The following CYP2J2 variants were observed in gnomAD, a reference collection of about 807,000 sequenced individuals.
The protein encoded by CYP2J2 is cytochrome P450 family 2 subfamily J member 2, also known as cytochrome P450 2J2.
In CYP2J2, 41 loss-of-function variants were observed where a neutral mutation model predicts 48.8. That is an observed-to-expected ratio of 0.84 (90% confidence interval 0.66 to 1.09). The LOEUF (loss-of-function observed/expected upper bound fraction) is 1.09. CYP2J2 is among the 50% of genes least tolerant of loss of function. CYP2J2 has a pLI of 0.00. For synonymous variants in CYP2J2, 221 were observed against 227.1 expected (o/e 0.97, Z 0.24); for missense variants, 644 against 617.3 (o/e 1.04, Z -0.46).
intron 1 of CYP2J2, among the ~76,000 whole-genome samples, chr1:59,920,245 G>C (rs11572222): frequency 2.7e-5 from 4 of 149,390 alleles, no homozygotes; most frequent in African/African-American, 9.9e-5. Flanking sequence ...GAAATCAAAG[G>C]CATTCTAGAT....
chr1:59,901,640 A>G (rs1047709849), intron 7 of CYP2J2, among the ~76,000 whole-genome samples: 1 of 152,194 alleles, frequency 6.6e-6, no homozygotes, highest in Non-Finnish European at 1.5e-5. Flanking sequence ...CTGTCCATCC[A>G]GGTACATGCT....
chr1:59,893,343 AC>A lies in CYP2J2; in HGVS notation c.*307del. ...ACTTTTATGATGTGTTTTATGGTTT[AC>A]AAACCACTTAAAGCTCACCATTTCT... On this transcript the variant is annotated 3_prime_UTR_variant, in exon 9 of 9. Transcript: ENST00000371204. 7.8e-6 allele frequency: 2 copies of A among 255,920 alleles called. No individual in the cohort carries two copies. Among genetic ancestry groups the A allele is most frequent in the Non-Finnish European group, 1.5e-5 (2 of 136,486 alleles). 15.9% of individuals were successfully genotyped at this position (255,920 alleles called of 1,614,324 possible). A position where few individuals can be genotyped will look rare whatever the true frequency, so the allele number is the denominator to read the frequency against.
At chr1:59,955,239 GAT>G in the CYP2J2 span, among the ~76,000 whole-genome samples, 46 of 107,830 alleles carry the variant, frequency 4.3e-4, no homozygotes, top group Non-Finnish European at 6.4e-4. Context: ...TACGAATAAG[GAT>G]ATATATATAT....
chr1:59,946,990 G>A, the CYP2J2 span, among the ~76,000 whole-genome samples: 3 of 151,836 alleles, frequency 2.0e-5, no homozygotes, highest in African/African-American at 7.3e-5. Flanking sequence ...TTAATTTGAG[G>A]AAGATGGGAA....
At chr1:59,924,772 A>G (rs1267538931) in intron 1 of CYP2J2, among the ~76,000 whole-genome samples, 2 of 152,082 alleles carry the variant, frequency 1.3e-5, no homozygotes, top group East Asian at 3.8e-4. Flanking sequence ...CAGGAAAAAC[A>G]AAATAAATAA....
chr1:59,956,591 G>C, the CYP2J2 span, among the ~76,000 whole-genome samples: 1 of 152,094 alleles, frequency 6.6e-6, no homozygotes, highest in East Asian at 1.9e-4. Context: ...GTGATACAGT[G>C]CACAAGTTTT....
In CYP2J2 at chr1:59,907,910, A is replaced by T; in HGVS notation, c.879T>A (p.Thr293=). ...KEMSKHTGNP[T]SSFHEENLIC... ...TGAGGTTTTCTTCATGGAAACTTGA[A>T]GTAGGATTGCCTGTGTGCTAGAAAA... The change falls in exon 6 of 9, where the codon ACT becomes ACA. Residue 293 remains threonine, a synonymous_variant. Transcript: ENST00000371204. 1 of 1,614,146 alleles carries T rather than the reference A, an allele frequency of 6.2e-7. No individual in the cohort carries two copies. The highest frequency in any genetic ancestry group is 1.3e-5 in the African/African-American group (1 of 75,040).
At chr1:59,957,880 T>G in the CYP2J2 span, among the ~76,000 whole-genome samples, 4 of 152,110 alleles carry the variant, frequency 2.6e-5, no homozygotes, top group African/African-American at 9.7e-5. Context: ...GGGAATGAGA[T>G]GCTCCTCAAA....
rs551140186 is a variant in CYP2J2, at chr1:59,905,983, G to A, written c.1004-925C>T. ...AGGCGGATCACGAGGTCAGGAGATC[G>A]AGACCATCCTGGCTAACACGGTGAA... On this transcript the variant is annotated intron_variant, in intron 6 of 8. Transcript: ENST00000371204. Among the ~76,000 whole-genome samples, 8 of 152,224 alleles carry A rather than the reference G, an allele frequency of 5.3e-5. No individual in the cohort carries two copies. The East Asian group carries it at 9.7e-4, about 18-fold the overall frequency.
At position 59,894,641 on chromosome 1, in the gene CYP2J2, C is replaced by T. The variant is rs140505444; in HGVS notation, c.1331-812G>A. Among the ~76,000 whole-genome samples, 19 of 152,250 alleles carry T rather than the reference C, an allele frequency of 1.2e-4. No homozygotes were observed. The Middle Eastern group carries it at 0.01, about 82-fold the overall frequency. ...TGTACATTGTGCATATTAGTGAAAA[C>T]GAATATGTGTTTAAGATGAGAACTT... On this transcript the variant is annotated intron_variant, in intron 8 of 8. Coordinates refer to ENST00000371204, the MANE Select transcript of CYP2J2 (RefSeq NM_000775.4).
At chr1:59,904,755 G>A in intron 7 of CYP2J2, 116 bp downstream of exon 7, 1 of 839,756 alleles carries the variant, frequency 1.2e-6, no homozygotes, top group South Asian at 1.8e-5. Context: ...ATTATATCAG[G>A]TATAAGATAT....
chr1:59,900,825 C>G, intron 8 of CYP2J2, 140 bp downstream of exon 8: 1 of 927,280 alleles, frequency 1.1e-6, no homozygotes, highest in Non-Finnish European at 1.6e-6. Context: ...CCAGGGCTGC[C>G]CCCTACAGCA....
chr1:59,956,597 GT>G, the CYP2J2 span, among the ~76,000 whole-genome samples: 952 of 152,216 alleles, frequency 6.3e-3, 26 homozygotes, highest in Admixed American at 0.056. Context: ...CAGTGCACAA[GT>G]TTTCTAAATG....
intron 7 of CYP2J2, among the ~76,000 whole-genome samples, chr1:59,901,558 G>A (rs1644320066): frequency 6.6e-6 from 1 of 152,130 alleles, no homozygotes. Context: ...TTCCTCCAAT[G>A]TCTAGTACAT....
At position 59,901,090 on chromosome 1, in the gene CYP2J2, A is replaced by G. The variant is rs755756353; in HGVS notation, c.1205T>C (p.Leu402Pro). The change falls in exon 8 of 9, where the codon CTG (leucine) becomes CCG (proline). Residue 402 changes from leucine to proline, a missense_variant. Coordinates refer to ENST00000371204, the MANE Select transcript of CYP2J2 (RefSeq NM_000775.4). ...CCTGTGCAGCGCCGTCAAATTGGTC[A>G]GGATCATGGTACCCTAGAGAAAGCA... The part of the protein sequence containing the change: ...GYHLPKGTMI[L>P]TNLTALHRDP... 24 of 1,613,848 alleles carry G rather than the reference A, an allele frequency of 1.5e-5. No homozygotes were observed. Among genetic ancestry groups the G allele is most frequent in the Non-Finnish European group, 2.0e-5 (24 of 1,179,766 alleles).
At chr1:59,944,381 G>A in the CYP2J2 span, among the ~76,000 whole-genome samples, 2 of 152,054 alleles carry the variant, frequency 1.3e-5, no homozygotes, top group African/African-American at 4.8e-5. Flanking sequence ...CGCCACCACG[G>A]CTGGTTAATT....
chr1:59,926,929 G>A (rs192249016), upstream of CYP2J2: 3 of 612,158 alleles, frequency 4.9e-6, no homozygotes, highest in African/African-American at 3.7e-5. Context: ...AAAAGGCCAG[G>A]CTAGGAGCAG....
chr1:59,926,509 C>T, intron 1 of CYP2J2, 28 bp downstream of exon 1: 1 of 1,588,648 alleles, frequency 6.3e-7, no homozygotes, highest in Non-Finnish European at 8.6e-7. Flanking sequence ...AGGGTCAGGA[C>T]ACGCTAGGCA....
At chr1:59,965,615 G>T in the CYP2J2 span, among the ~76,000 whole-genome samples, 1 of 152,188 alleles carries the variant, frequency 6.6e-6, no homozygotes, top group South Asian at 2.1e-4. Context: ...GACCAGTGGT[G>T]TACTTGGTGC....
Sources: allele counts gnomAD v4.1 joint callset (sites outside exome capture counted in the v4.1 genomes callset), GRCh38; gene constraint gnomAD v4.1.1; transcripts MANE v1.5; gene names NCBI Gene and HGNC (gene_info 2026-07-23, HGNC 2026-07-21).